ATP2A3: variants seen among roughly 807,000 people sequenced by gnomAD.
ATP2A3 encodes sarcoplasmic/endoplasmic reticulum calcium ATPase 3.
ATP2A3 carries 61 observed loss-of-function variants against 106.8 expected under a neutral mutation model. That is an observed-to-expected ratio of 0.57 (90% CI 0.46 to 0.71). ATP2A3 has a LOEUF of 0.71. Ranked by LOEUF, ATP2A3 falls within the 30% of genes least tolerant of loss-of-function variation. ATP2A3 has a pLI of 0.00. For synonymous variants in ATP2A3, 611 were observed against 609.3 expected (o/e 1.00, Z -0.04); for missense variants, 1,201 against 1,423.5 (o/e 0.84, Z 2.52).
At chr17:3,943,980 C>T (rs2144531242) in intron 10 of ATP2A3, among the ~76,000 whole-genome samples, 1 of 152,306 alleles carries the variant, frequency 6.6e-6, no homozygotes, top group South Asian at 2.1e-4. Context: ...AACCAGGAGC[C>T]CCCCTGGCTT....
chr17:3,942,566 A>G (rs756055530), intron 12 of ATP2A3, 40 bp downstream of exon 12: 1 of 1,599,900 alleles, frequency 6.3e-7, no homozygotes, highest in South Asian at 1.1e-5. Flanking sequence ...CAGGTTCCCC[A>G]GGGCGCGCAG....
intron 1 of ATP2A3, among the ~76,000 whole-genome samples, chr17:3,963,068 T>C (rs1365976108): frequency 2.0e-5 from 3 of 152,244 alleles, no homozygotes; most frequent in Non-Finnish European, 4.4e-5. Context: ...AGAAAGATAA[T>C]ATTTATATAA....
rs1459258864 is a variant in ATP2A3 at position 3,930,813 on chromosome 17, T to C, written c.2611-379A>G. On this transcript the variant is annotated intron_variant, in intron 17 of 20. Transcript: ENST00000397041. The surrounding 1 kb of genome is among the most constrained non-coding windows in gnomAD (Gnocchi z 5.4). The stretch of plus-strand genomic sequence containing the variant: ...GGGAGTGGAATTCACCTTTGCGGTA[T>C]AGAAGATGAAGGCTACGCAGGCCCT... 5.5e-6 allele frequency: 2 copies of C among 366,126 alleles called. No homozygotes were observed. The highest frequency in any genetic ancestry group is 6.9e-5 in the East Asian group (1 of 14,594). 22.7% of individuals were successfully genotyped at this position (366,126 alleles called of 1,614,324 possible). A position where few individuals can be genotyped will look rare whatever the true frequency, so the allele number is the denominator to read the frequency against.
chr17:3,954,526 T>C (rs1597665331), intron 1 of ATP2A3, among the ~76,000 whole-genome samples: 1 of 144,122 alleles, frequency 6.9e-6, no homozygotes, highest in African/African-American at 2.6e-5. Context: ...TAAGAGAGTC[T>C]CGCTCTGTCG....
At chr17:3,933,912 GTTTTC>G (rs752478199) in intron 17 of ATP2A3, among the ~76,000 whole-genome samples, 8 of 149,492 alleles carry the variant, frequency 5.4e-5, no homozygotes, top group South Asian at 2.1e-4. Flanking sequence ...CTTTGGTTTG[GTTTTC>G]TTTTCTTTTC....
rs377351620 is a variant in ATP2A3, at chr17:3,953,404, C to T, written c.162G>A (p.Leu54=). 1 of 1,614,042 alleles carries T rather than the reference C, an allele frequency of 6.2e-7. No homozygotes were observed. The highest frequency in any genetic ancestry group is 8.5e-7 in the Non-Finnish European group (1 of 1,180,018). The change falls in exon 3 of 21, where the codon CTG becomes CTA. Residue 54 remains leucine (L), a synonymous_variant. Transcript: ENST00000397041. This position sits in a 1 kb window ranked among gnomAD's most constrained non-coding sequence, Gnocchi z 5.1. ...EEGKSLWELV[L]EQFEDLLVRI... The stretch of plus-strand genomic sequence containing the variant: ...GCACCAGGAGGTCCTCAAACTGTTC[C>T]AGCACCAGCTCCCACAGGGACTTCC...
intron 1 of ATP2A3, among the ~76,000 whole-genome samples, chr17:3,963,705 C>T (rs937755082): frequency 6.6e-6 from 1 of 152,188 alleles, no homozygotes; most frequent in Non-Finnish European, 1.5e-5. Context: ...AGCTGATAAG[C>T]GGCACCTTCC....
rs887302535 is a variant in ATP2A3 at position 3,953,206 on chromosome 17, G to A, written c.219+141C>T. 2.1e-6 allele frequency: 2 copies of A among 958,016 alleles called. No homozygotes were observed. Among genetic ancestry groups the A allele is most frequent in the Non-Finnish European group, 3.4e-6 (2 of 593,198 alleles). 59.3% of individuals were successfully genotyped at this position (958,016 alleles called of 1,614,324 possible). A position where few individuals can be genotyped will look rare whatever the true frequency, so the allele number is the denominator to read the frequency against. ...GGCAAGGGAAGCTGAAGTCTGAGCAGGGCAGGGCCAGGGAAGGCCAGGGCG... is the reference window on the plus strand; with the variant it reads ...GGCAAGGGAAGCTGAAGTCTGAGCAAGGCAGGGCCAGGGAAGGCCAGGGCG... On this transcript the variant is annotated intron_variant, in intron 3 of 20. Coordinates refer to ENST00000397041, the MANE Select transcript of ATP2A3 (RefSeq NM_005173.4). The surrounding 1 kb of genome is among the most constrained non-coding windows in gnomAD (Gnocchi z 5.1).
chr17:3,936,945 GCA>G lies in ATP2A3; in HGVS notation c.2321+469_2321+470del, dbSNP rs1391449815. 1 of 328,046 alleles carries G rather than the reference GCA, an allele frequency of 3.0e-6. No individual in the cohort carries two copies. Among genetic ancestry groups the G allele is most frequent in the Non-Finnish European group, 5.9e-6 (1 of 168,548 alleles). The allele number at this position is 328,046 out of a possible 1,614,324, so 20.3% of individuals were successfully genotyped here. ...TCCTCACATGTGAATACGAGTGTGTGCACAGTCACACGCCGGCACAAATCCTT... is the reference window on the plus strand; with the variant it reads ...TCCTCACATGTGAATACGAGTGTGTGCAGTCACACGCCGGCACAAATCCTT... On this transcript the variant is annotated intron_variant, in intron 15 of 20. Coordinates refer to ENST00000397041, the MANE Select transcript of ATP2A3 (RefSeq NM_005173.4). This position sits in a 1 kb window ranked among gnomAD's most constrained non-coding sequence, Gnocchi z 5.4.
At chr17:3,958,841 CAT>C (rs1477861051) in intron 1 of ATP2A3, among the ~76,000 whole-genome samples, 4 of 103,196 alleles carry the variant, frequency 3.9e-5, no homozygotes, top group South Asian at 2.5e-4. Flanking sequence ...TACACACACA[CAT>C]ATATAAATAT....
At chr17:3,951,833 A>C in intron 3 of ATP2A3, 148 bp from the exon 4 acceptor site, 1 of 849,660 alleles carries the variant, frequency 1.2e-6, no homozygotes, top group African/African-American at 1.7e-5. Context: ...CACTCCTCCG[A>C]GAAGGCCTTG....
intron 17 of ATP2A3, among the ~76,000 whole-genome samples, chr17:3,933,412 T>C (rs899064554): frequency 6.6e-6 from 1 of 151,242 alleles, no homozygotes; most frequent in Non-Finnish European, 1.5e-5. Flanking sequence ...AGGTCATAGG[T>C]CTCGGTGTGG....
chr17:3,958,544 T>C (rs906825918), intron 1 of ATP2A3, among the ~76,000 whole-genome samples: 1 of 151,950 alleles, frequency 6.6e-6, no homozygotes, highest in Non-Finnish European at 1.5e-5. Context: ...CATGTCTGTA[T>C]CCCGAATGCA....
chr17:3,939,945 A>G (rs2144442881), intron 14 of ATP2A3, among the ~76,000 whole-genome samples: 1 of 151,496 alleles, frequency 6.6e-6, no homozygotes, highest in East Asian at 1.9e-4. Context: ...AAAAACCGAA[A>G]ACAGTGATCG....
In ATP2A3 at chr17:3,953,537, A is replaced by T; in HGVS notation, c.137-108T>A. 1 of 1,487,706 alleles carries T rather than the reference A, an allele frequency of 6.7e-7. No homozygotes were observed. Among genetic ancestry groups the T allele is most frequent in the South Asian group, 1.2e-5 (1 of 86,540 alleles). 92.2% of individuals were successfully genotyped at this position (1,487,706 alleles called of 1,614,324 possible). A position where few individuals can be genotyped will look rare whatever the true frequency, so the allele number is the denominator to read the frequency against. On this transcript the variant is annotated intron_variant, in intron 2 of 20. Transcript: ENST00000397041. This position sits in a 1 kb window ranked among gnomAD's most constrained non-coding sequence, Gnocchi z 5.1. ...CGGCCCATTCCCTCCCTGCACTCAG[A>T]AGAGGGAGAACCCAGGTCGCTGAGA...
At chr17:3,937,036 C>G (rs2053487989) in intron 15 of ATP2A3, 1 of 363,322 alleles carries the variant, frequency 2.8e-6, no homozygotes, top group African/African-American at 2.1e-5. Context: ...TTACACACAC[C>G]TCTCACTCAG....
At chr17:3,951,988 G>A (rs2054474481) in intron 3 of ATP2A3, among the ~76,000 whole-genome samples, 1 of 152,204 alleles carries the variant, frequency 6.6e-6, no homozygotes, top group African/African-American at 2.4e-5. Context: ...AGCAGCAGCA[G>A]CAGCTGGGAA....
chr17:3,948,075 G>T (rs1260287643), intron 7 of ATP2A3, among the ~76,000 whole-genome samples: 3 of 152,158 alleles, frequency 2.0e-5, no homozygotes, highest in Non-Finnish European at 4.4e-5. Context: ...TGGGTTCATC[G>T]CCGTATCCCC....
chr17:3,964,087 A>G, intron 1 of ATP2A3, 87 bp downstream of exon 1: 1 of 732,636 alleles, frequency 1.4e-6, no homozygotes, highest in East Asian at 7.8e-5. Flanking sequence ...CTGCCCGCCC[A>G]GAGCCGGGTG....
Sources: gnomAD v4.1 joint callset for allele counts (sites outside exome capture counted in the v4.1 genomes callset) on GRCh38, gnomAD v4.1.1 for gene constraint, Gnocchi (gnomAD v3.1) non-coding constraint, MANE v1.5 for transcripts, NCBI Gene and HGNC (gene_info 2026-07-23, HGNC 2026-07-21) for gene names.